INO80B: variants seen among roughly 807,000 people sequenced by gnomAD.
INO80B encodes IES2 homolog.
Under a neutral mutation model 31.4 loss-of-function variants are expected in INO80B, and 18 were observed. The ratio of observed to expected loss-of-function variants is 0.57; its 90% confidence interval spans 0.40 to 0.85. INO80B has a LOEUF of 0.85. Ranked by LOEUF, INO80B falls within the 40% of genes least tolerant of loss-of-function variation. The pLI, the probability that INO80B is intolerant of heterozygous loss-of-function variation, is 0.00. For missense variants in INO80B, 469 were observed against 475.4 expected, an observed-to-expected ratio of 0.99 and a Z score of 0.13; for synonymous variants, 238 against 199.0, an observed-to-expected ratio of 1.20 and a Z score of -1.65.
Position 74,455,170 on chromosome 2 carries a change from G to A in INO80B, c.54G>A (p.Glu18=), listed in dbSNP as rs1671660262. Reference sequence around the variant, plus strand: ...CCTCTGGGGCTATGGAGGCCCCTGAGCCGGGTAAGCGCGAATAGATCAAGC... The same window carrying A: ...CCTCTGGGGCTATGGAGGCCCCTGAACCGGGTAAGCGCGAATAGATCAAGC... ...GSTSGAMEAP[E]PGEALELSLA... is the part of the protein sequence containing the mutation. The change falls in exon 1 of 5, where the codon GAG becomes GAA. Residue 18 remains glutamate, a synonymous_variant. Transcript: ENST00000233331. 6.2e-7 allele frequency: 1 copy of A among 1,614,114 alleles called. No individual in the cohort carries two copies. Among genetic ancestry groups the A allele is most frequent in the African/African-American group, 1.3e-5 (1 of 74,956 alleles).
chr2:74,457,296 C>G (rs1374316169), intron 4 of INO80B, 38 bp from the exon 5 acceptor site: 2 of 1,572,552 alleles, frequency 1.3e-6, no homozygotes, highest in Non-Finnish European at 1.7e-6. Context: ...CCATCTTCCT[C>G]CATTTTCAGA....
At chr2:74,457,262 C>A in intron 4 of INO80B, 72 bp from the exon 5 acceptor site, 2 of 1,495,616 alleles carry the variant, frequency 1.3e-6, no homozygotes, top group Non-Finnish European at 1.8e-6. Flanking sequence ...TTTCCCCTCC[C>A]CCGATCTGGC....
Position 74,457,839 on chromosome 2 carries a change from C to G in INO80B, c.1046C>G (p.Pro349Arg). The G allele has an allele frequency of 6.4e-7, 1 of 1,570,022 alleles. No individual in the cohort carries two copies. The highest frequency in any genetic ancestry group is 8.6e-7 in the Non-Finnish European group (1 of 1,164,648). The change falls in exon 5 of 5, where the codon CCT becomes CGT. Residue 349 changes from proline (P) to arginine (R), a missense_variant. Physicochemically the swap from Pro to Arg is moderately radical, Grantham distance 103 (BLOSUM62 -2). This residue lies in a region of INO80B where 201 missense variants were observed against 151.7 expected (regional missense o/e 1.32). Coordinates refer to ENST00000233331, the MANE Select transcript of INO80B (RefSeq NM_031288.4). ...LQMRLGGPEG[P>R]GSPLLAT Reference sequence around the variant, plus strand: ...ATGCGGCTGGGGGGGCCCGAGGGTCCTGGATCCCCCCTTTTGGCTACGTAA... The same window carrying G: ...ATGCGGCTGGGGGGGCCCGAGGGTCGTGGATCCCCCCTTTTGGCTACGTAA...
rs1486258759 is a variant in INO80B at position 74,457,513 on chromosome 2, G to A, written c.720G>A (p.Glu240=). The A allele has an allele frequency of 3.9e-6, 6 of 1,542,272 alleles. No homozygotes were observed. The highest frequency in any genetic ancestry group is 5.2e-6 in the Non-Finnish European group (6 of 1,144,388). ...RAEEHKNQTI[E]RLTKTAATSG... Reference sequence around the variant, plus strand: ...AAGAGCACAAGAACCAGACTATCGAGCGCCTCACCAAGACTGCGGCGACCA... The same window carrying A: ...AAGAGCACAAGAACCAGACTATCGAACGCCTCACCAAGACTGCGGCGACCA... Residue 240 remains glutamate (E), a synonymous_variant, in exon 5 of 5, where the codon GAG becomes GAA. Transcript: ENST00000233331.
In INO80B at chr2:74,456,269, A is replaced by AG; in HGVS notation, c.537_538insG (p.Gln180AlafsTer22). On this transcript the variant is annotated frameshift_variant, in exon 4 of 5. Transcript: ENST00000233331. LOFTEE classifies it high-confidence loss of function. ...TCAATGAGCGGCTGCTTACTGCTCGACAGGTATGTTGGTTCATTGTTTATT... is the reference window on the plus strand; with the variant it reads ...TCAATGAGCGGCTGCTTACTGCTCGAGCAGGTATGTTGGTTCATTGTTTATT... 1 of 1,614,082 alleles carries AG rather than the reference A, an allele frequency of 6.2e-7. No homozygotes were observed. The highest frequency in any genetic ancestry group is 8.5e-7 in the Non-Finnish European group (1 of 1,180,008).
chr2:74,455,458 G>GA lies in INO80B; in HGVS notation c.117dup (p.His40ThrfsTer67). On this transcript the variant is annotated frameshift_variant, in exon 2 of 5. Transcript: ENST00000233331. LOFTEE classifies it high-confidence loss of function. Reference sequence around the variant, plus strand: ...GTGCCCATGGCCATGGAGTGCACAAGAAAAAACACAAGAAGCACAAGAAGA... The same window carrying GA: ...GTGCCCATGGCCATGGAGTGCACAAGAAAAAAACACAAGAAGCACAAGAAGA... The GA allele has an allele frequency of 1.2e-6, 2 of 1,614,088 alleles. No individual in the cohort carries two copies. Among genetic ancestry groups the GA allele is most frequent in the Non-Finnish European group, 8.5e-7 (1 of 1,180,018 alleles).
At position 74,457,905 on chromosome 2, in the gene INO80B, CTT is replaced by C; in HGVS notation, c.*42_*43del. 6.8e-7 allele frequency: 1 copy of C among 1,478,634 alleles called. No individual in the cohort carries two copies. Among genetic ancestry groups the C allele is most frequent in the Admixed American group, 2.2e-5 (1 of 45,470 alleles). 91.6% of individuals were successfully genotyped at this position (1,478,634 alleles called of 1,614,324 possible). ...CTCTGCGCCCCGTCCCATGCCCGCT[CTT>C]GAGTATCTTCCCCACCCTATTAAAT... On this transcript the variant is annotated 3_prime_UTR_variant, in exon 5 of 5. Coordinates refer to ENST00000233331, the MANE Select transcript of INO80B (RefSeq NM_031288.4).
chr2:74,455,191 C>A lies in INO80B; in HGVS notation c.58+17C>A. The A allele has an allele frequency of 5.6e-6, 9 of 1,613,792 alleles. No individual in the cohort carries two copies. The highest frequency in any genetic ancestry group is 7.6e-6 in the Non-Finnish European group (9 of 1,179,688). On this transcript the variant is annotated intron_variant, in intron 1 of 4. Coordinates refer to ENST00000233331, the MANE Select transcript of INO80B (RefSeq NM_031288.4). The stretch of plus-strand genomic sequence containing the variant: ...CTGAGCCGGGTAAGCGCGAATAGAT[C>A]AAGCAATTTAGGTCGTGTTAGAAAA...
chr2:74,455,788 A>C (rs766972222), intron 2 of INO80B, 30 bp from the exon 3 acceptor site: 1 of 1,523,778 alleles, frequency 6.6e-7, no homozygotes, highest in Non-Finnish European at 9.1e-7. Flanking sequence ...ACGCTTGCTC[A>C]TTTTAAAGAG....
intron 1 of INO80B, 29 bp downstream of exon 1, chr2:74,455,203 G>A: frequency 1.2e-6 from 2 of 1,613,110 alleles, no homozygotes; most frequent in Non-Finnish European, 1.7e-6. Flanking sequence ...AGCAATTTAG[G>A]TCGTGTTAGA....
chr2:74,457,320 C>G lies in INO80B; in HGVS notation c.541-14C>G. 1 of 1,600,086 alleles carries G rather than the reference C, an allele frequency of 6.2e-7. No individual in the cohort carries two copies. Among genetic ancestry groups the G allele is most frequent in the East Asian group, 2.3e-5 (1 of 43,890 alleles). ...TCCATTTTCAGACAGCACCCCGTCT[C>G]TGTCTCTCCCTAGCGAGCTCTGCTC... is the stretch of plus-strand genomic sequence containing the variant. On this transcript the variant is annotated splice_polypyrimidine_tract_variant and intron_variant, in intron 4 of 4. Transcript: ENST00000233331.
chr2:74,455,170 G>C lies in INO80B; in HGVS notation c.54G>C (p.Glu18Asp). 1 of 1,614,232 alleles carries C rather than the reference G, an allele frequency of 6.2e-7. No homozygotes were observed. Among genetic ancestry groups the C allele is most frequent in the Non-Finnish European group, 8.5e-7 (1 of 1,180,044 alleles). Residue 18 changes from glutamate (E) to aspartate (D), a missense_variant, in exon 1 of 5, where the codon GAG becomes GAC. This residue lies in a region of INO80B where 223 missense variants were observed against 253.4 expected (regional missense o/e 0.88). Transcript: ENST00000233331. ...CCTCTGGGGCTATGGAGGCCCCTGA[G>C]CCGGGTAAGCGCGAATAGATCAAGC... ...GSTSGAMEAP[E>D]PGEALELSLA...
intron 2 of INO80B, 31 bp from the exon 3 acceptor site, chr2:74,455,787 C>A: frequency 6.6e-7 from 1 of 1,515,692 alleles, no homozygotes; most frequent in South Asian, 1.1e-5. Flanking sequence ...GACGCTTGCT[C>A]ATTTTAAAGA....
chr2:74,457,439 C>CGCGAG lies in INO80B; in HGVS notation c.648_652dup (p.Glu218AlafsTer?). 1 of 1,584,536 alleles carries CGCGAG rather than the reference C, an allele frequency of 6.3e-7. No individual in the cohort carries two copies. Among genetic ancestry groups the CGCGAG allele is most frequent in the Non-Finnish European group, 8.6e-7 (1 of 1,165,716 alleles). On this transcript the variant is annotated frameshift_variant, in exon 5 of 5. Coordinates refer to ENST00000233331, the MANE Select transcript of INO80B (RefSeq NM_031288.4). LOFTEE classifies it high-confidence loss of function. ...CCTCACAGAGGAGATGCTGCTGAAG[C>CGCGAG]GCGAGGAGCGGGCGCGGAAGCGGCG... is the stretch of plus-strand genomic sequence containing the variant.
rs200132177 is a variant in INO80B at position 74,456,103 on chromosome 2, A to G, written c.371A>G (p.Asp124Gly). ...VPLEQYRAWLDEDSNLSPSPL... is the reference protein window; with the variant it reads ...VPLEQYRAWLGEDSNLSPSPL... Reference sequence around the variant, plus strand: ...TTTCTTTCTCCAACTTCCTTCCCAGATGAAGACAGTAATCTCTCTCCCTCT... The same window carrying G: ...TTTCTTTCTCCAACTTCCTTCCCAGGTGAAGACAGTAATCTCTCTCCCTCT... The change falls in exon 4 of 5, where the codon GAT (aspartate) becomes GGT (glycine). Residue 124 changes from aspartate (D) to glycine (G), a missense_variant and splice_region_variant. Transcript: ENST00000233331. 1.9e-6 allele frequency: 3 copies of G among 1,584,942 alleles called. No homozygotes were observed. Among genetic ancestry groups the G allele is most frequent in the Non-Finnish European group, 2.6e-6 (3 of 1,165,576 alleles).
chr2:74,455,664 G>T (rs570213566), intron 2 of INO80B, 66 bp downstream of exon 2: 3 of 1,515,952 alleles, frequency 2.0e-6, no homozygotes, highest in South Asian at 1.3e-5. Flanking sequence ...GTTAGAAGCC[G>T]ACTGGGCTTT....
rs1329829609 is a variant in INO80B, at chr2:74,457,483, G to A, written c.690G>A (p.Arg230=). 7.1e-6 allele frequency: 11 copies of A among 1,552,370 alleles called. No individual in the cohort carries two copies. Among genetic ancestry groups the A allele is most frequent in the Middle Eastern group, 1.7e-4 (1 of 5,998 alleles). Residue 230 remains arginine, a synonymous_variant, in exon 5 of 5, where the codon CGG becomes CGA. Transcript: ENST00000233331. ...AGCGGCGGCTCCAGGCGGCGCGGCG[G>A]GCAGAAGAGCACAAGAACCAGACTA... ...ARKRRLQAAR[R]AEEHKNQTIE...
rs1259048590 is a variant in INO80B, at chr2:74,456,100, C to T, written c.371-3C>T. 1 of 1,580,910 alleles carries T rather than the reference C, an allele frequency of 6.3e-7. No homozygotes were observed. The highest frequency in any genetic ancestry group is 1.8e-5 in the Admixed American group (1 of 55,026). Reference sequence around the variant, plus strand: ...GTTTTTCTTTCTCCAACTTCCTTCCCAGATGAAGACAGTAATCTCTCTCCC... The same window carrying T: ...GTTTTTCTTTCTCCAACTTCCTTCCTAGATGAAGACAGTAATCTCTCTCCC... On this transcript the variant is annotated splice_region_variant and splice_polypyrimidine_tract_variant and intron_variant, in intron 3 of 4. Transcript: ENST00000233331.
Position 74,455,089 on chromosome 2 carries a change from T to G in INO80B, c.-28T>G. ...GCGTGTCTGCGTGTGTCCCAACCAT[T>G]TCTAGTCCCCTTTCCTCGCAGGACC... On this transcript the variant is annotated 5_prime_UTR_variant, in exon 1 of 5. The change creates a new upstream start codon in the 5' untranslated region. Coordinates refer to ENST00000233331, the MANE Select transcript of INO80B (RefSeq NM_031288.4). 1 of 1,613,510 alleles carries G rather than the reference T, an allele frequency of 6.2e-7. No individual in the cohort carries two copies. The highest frequency in any genetic ancestry group is 8.5e-7 in the Non-Finnish European group (1 of 1,179,458).
Sources: allele counts gnomAD v4.1 joint callset, GRCh38; gene constraint gnomAD v4.1.1; regional missense constraint gnomAD v4.1.1; transcripts MANE v1.5; gene names NCBI Gene and HGNC (gene_info 2026-07-23, HGNC 2026-07-21).